The following HOXC5 variants were observed in gnomAD, a reference collection of about 807,000 sequenced individuals.
HOXC5 encodes the protein homeobox protein Hox-C5.
HOXC5 carries 19 observed loss-of-function variants against 20.1 expected under a neutral mutation model. That is an observed-to-expected ratio of 0.94 (90% CI 0.66 to 1.38). The LOEUF is 1.38. HOXC5 is among the 40% of genes most tolerant of loss of function. HOXC5 has a pLI of 0.00. For missense variants in HOXC5, 330 were observed against 300.1 expected, an observed-to-expected ratio of 1.10 and a Z score of -0.74; for synonymous variants, 124 against 117.0, an observed-to-expected ratio of 1.06 and a Z score of -0.39.
upstream of HOXC5, chr12:54,028,773 C>T (rs571612814): frequency 6.2e-7 from 1 of 1,614,150 alleles, no homozygotes; most frequent in Admixed American, 1.7e-5. Flanking sequence ...AAGACATGCT[C>T]TCAAACTGCA....
At chr12:54,029,414 C>T (rs1480173615), upstream of HOXC5, among the ~76,000 whole-genome samples, 3 of 136,056 alleles carry the variant, frequency 2.2e-5, no homozygotes, top group African/African-American at 8.1e-5. Flanking sequence ...CCCCCCCGCC[C>T]CCCCCCCCAC....
At chr12:54,027,040 T>G in the HOXC5 span, among the ~76,000 whole-genome samples, 139 of 152,214 alleles carry the variant, frequency 9.1e-4, 3 homozygotes, top group Non-Finnish European at 1.2e-4. Context: ...CAAGGCATTT[T>G]CAGCCTATAT....
At chr12:54,024,210 C>A in the HOXC5 span, among the ~76,000 whole-genome samples, 3 of 152,136 alleles carry the variant, frequency 2.0e-5, no homozygotes, top group South Asian at 6.2e-4. Context: ...GGCAACCGTT[C>A]TTCTCTTGCT....
Position 54,034,808 on chromosome 12 carries a change from C to A in HOXC5, c.*316C>A. ...GCGCAGAACGAACCTTGGCCTGGGCCGTATCTCCGGCTCCCAGCCTCAGCG... is the reference window on the plus strand; with the variant it reads ...GCGCAGAACGAACCTTGGCCTGGGCAGTATCTCCGGCTCCCAGCCTCAGCG... On this transcript the variant is annotated 3_prime_UTR_variant, in exon 2 of 2. Transcript: ENST00000312492. 1 of 345,430 alleles carries A rather than the reference C, an allele frequency of 2.9e-6. No individual in the cohort carries two copies. Among genetic ancestry groups the A allele is most frequent in the South Asian group, 3.1e-5 (1 of 32,622 alleles). The allele number at this position is 345,430 out of a possible 1,614,324, so 21.4% of individuals were successfully genotyped here. A position where few individuals can be genotyped will look rare whatever the true frequency, so the allele number is the denominator to read the frequency against.
At chr12:54,031,215 G>C (rs1488283529), upstream of HOXC5, among the ~76,000 whole-genome samples, 3 of 152,224 alleles carry the variant, frequency 2.0e-5, no homozygotes. Flanking sequence ...CCAGGCACCA[G>C]GGTCTCCTCC....
chr12:54,029,369 T>C (rs976585047), upstream of HOXC5, among the ~76,000 whole-genome samples: 1 of 151,958 alleles, frequency 6.6e-6, no homozygotes, highest in African/African-American at 2.4e-5. Context: ...AAATCTGCTT[T>C]TAGACTTGCA....
At chr12:54,034,227 C>T (rs2071449) in intron 1 of HOXC5, 51 bp from the exon 2 acceptor site, 4 of 1,511,750 alleles carry the variant, frequency 2.6e-6, no homozygotes, top group African/African-American at 1.4e-5. Context: ...GACGGGGGAA[C>T]GCTGCAAGCT....
At chr12:54,019,377 A>T in the HOXC5 span, among the ~76,000 whole-genome samples, 1 of 152,160 alleles carries the variant, frequency 6.6e-6, no homozygotes, top group African/African-American at 2.4e-5. Flanking sequence ...AGCCTGCGGC[A>T]GGCCGGAACC....
the HOXC5 span, among the ~76,000 whole-genome samples, chr12:54,026,308 A>C: frequency 6.6e-6 from 1 of 152,138 alleles, no homozygotes. Context: ...CTTGCCCTCC[A>C]GGGGGCCTGA....
chr12:54,031,380 G>A (rs1376516549), upstream of HOXC5, among the ~76,000 whole-genome samples: 21 of 152,202 alleles, frequency 1.4e-4, no homozygotes, highest in Admixed American at 1.4e-3. Flanking sequence ...AGCGATTCAA[G>A]GACATCTCGA....
chr12:54,029,629 A>G, upstream of HOXC5: 1 of 1,602,984 alleles, frequency 6.2e-7, no homozygotes, highest in Non-Finnish European at 8.5e-7. Flanking sequence ...GATTGCTTTT[A>G]GTGTGTTTTG....
chr12:54,034,224 G>A, intron 1 of HOXC5, 54 bp from the exon 2 acceptor site: 1 of 1,505,344 alleles, frequency 6.6e-7, no homozygotes, highest in Non-Finnish European at 9.2e-7. Context: ...GGGGACGGGG[G>A]AACGCTGCAA....
At position 54,033,174 on chromosome 12, in the gene HOXC5, G is replaced by A. The variant is rs750491544; in HGVS notation, c.52G>A (p.Ala18Thr). Residue 18 changes from alanine to threonine, a missense_variant, in exon 1 of 2, where the codon GCC becomes ACC. By Grantham distance (58) the Ala-to-Thr change is moderately conservative. Transcript: ENST00000312492. ...CTATAAGCAGAGCCCCAATATCCCT[G>A]CCTATAACATGCAAACTTGTGGGAA... ...SFYKQSPNIPAYNMQTCGNYG... is the reference protein window; with the variant it reads ...SFYKQSPNIPTYNMQTCGNYG... The A allele has an allele frequency of 2.5e-6, 4 of 1,614,152 alleles. No homozygotes were observed. Among genetic ancestry groups the A allele is most frequent in the South Asian group, 1.1e-5 (1 of 91,078 alleles).
chr12:54,034,648 C>T lies in HOXC5; in HGVS notation c.*156C>T. 2 of 632,772 alleles carry T rather than the reference C, an allele frequency of 3.2e-6. No homozygotes were observed. The highest frequency in any genetic ancestry group is 5.5e-6 in the Non-Finnish European group (2 of 365,710). 39.2% of individuals were successfully genotyped at this position (632,772 alleles called of 1,614,324 possible). On this transcript the variant is annotated 3_prime_UTR_variant, in exon 2 of 2. Transcript: ENST00000312492. ...ACAAAAGCGCTTTTCCTTGGCATTC[C>T]GCATCCCTACCGACCCAGGGTTCCC... is the stretch of plus-strand genomic sequence containing the variant.
chr12:54,019,641 G>T, the HOXC5 span, among the ~76,000 whole-genome samples: 1 of 152,182 alleles, frequency 6.6e-6, no homozygotes, highest in Middle Eastern at 3.4e-3. Flanking sequence ...CAGGCCAGTG[G>T]AGATTCACCT....
the HOXC5 span, among the ~76,000 whole-genome samples, chr12:54,024,866 C>T: frequency 6.6e-6 from 1 of 152,234 alleles, no homozygotes; most frequent in Admixed American, 6.5e-5. Flanking sequence ...AAATTTCTCT[C>T]CTATAATTAG....
chr12:54,029,732 T>C (rs1478562015), upstream of HOXC5: 1 of 1,614,152 alleles, frequency 6.2e-7, no homozygotes, highest in East Asian at 2.2e-5. Context: ...GGAGAAGGAA[T>C]TTCACTTCAA....
At chr12:54,033,930 G>GCTC (rs1349602112) in intron 1 of HOXC5, 1 of 484,276 alleles carries the variant, frequency 2.1e-6, no homozygotes, top group Non-Finnish European at 3.9e-6. Context: ...GGCGCTTGCG[G>GCTC]CTCCGGAGGA....
At chr12:54,026,969 G>GA in the HOXC5 span, among the ~76,000 whole-genome samples, 1 of 137,760 alleles carries the variant, frequency 7.3e-6, no homozygotes, top group African/African-American at 2.6e-5. Flanking sequence ...AATGGTGGGG[G>GA]GGGGGGGATA....
Sources: allele counts gnomAD v4.1 joint callset (sites outside exome capture counted in the v4.1 genomes callset), GRCh38; gene constraint gnomAD v4.1.1; transcripts MANE v1.5; gene names NCBI Gene and HGNC (gene_info 2026-07-23, HGNC 2026-07-21).